PCDH10: variants seen among roughly 807,000 people sequenced by gnomAD.
PCDH10 encodes protocadherin-10.
PCDH10 carries 15 observed loss-of-function variants against 74.4 expected under a neutral mutation model. That is an observed-to-expected ratio of 0.20 (90% CI 0.13 to 0.31). PCDH10 has a LOEUF of 0.31. Ranked by LOEUF, PCDH10 falls within the 10% of genes least tolerant of loss-of-function variation. The pLI, the probability that PCDH10 is intolerant of heterozygous loss-of-function variation, is 1.00. For missense variants in PCDH10, 1,260 were observed against 1,390.2 expected (o/e 0.91, Z 1.49); for synonymous variants, 619 against 589.8 (o/e 1.05, Z -0.72).
At chr4:133,199,923 G>C (rs1157648188) in intron 2 of PCDH10, among the ~76,000 whole-genome samples, 1 of 150,780 alleles carries the variant, frequency 6.6e-6, no homozygotes, top group Non-Finnish European at 1.5e-5. Flanking sequence ...TCAGCCTCCC[G>C]AGCTGCTGGG....
At chr4:133,158,696 T>C (rs1025056732) in intron 3 of PCDH10, among the ~76,000 whole-genome samples, 6 of 152,150 alleles carry the variant, frequency 3.9e-5, no homozygotes, top group African/African-American at 1.4e-4. Flanking sequence ...TGGTTTATTA[T>C]AAACACAAAT....
chr4:133,195,576 G>C (rs1727779566), downstream of PCDH10, among the ~76,000 whole-genome samples: 1 of 151,870 alleles, frequency 6.6e-6, no homozygotes, highest in African/African-American at 2.4e-5. Flanking sequence ...CATATACTGA[G>C]GTCTAACAGT....
intron 4 of PCDH10, among the ~76,000 whole-genome samples, chr4:133,169,405 C>T (rs11937781): frequency 0.5 from 75,539 of 151,496 alleles, 19,110 homozygotes; most frequent in African/African-American, 0.56. Flanking sequence ...TTATTCAATA[C>T]TTTATAGTTC....
downstream of PCDH10, among the ~76,000 whole-genome samples, chr4:133,197,095 TAAAAC>T (rs1367731736): frequency 6.6e-6 from 1 of 152,100 alleles, no homozygotes; most frequent in African/African-American, 2.4e-5. Flanking sequence ...GTACAGGAAA[TAAAAC>T]AAATCTGGCT....
Position 133,163,176 on chromosome 4 carries a change from C to A in PCDH10, c.2997C>A (p.Ser999=). The A allele has an allele frequency of 6.2e-7, 1 of 1,614,106 alleles. No individual in the cohort carries two copies. The highest frequency in any genetic ancestry group is 8.5e-7 in the Non-Finnish European group (1 of 1,180,006). Reference sequence around the variant, plus strand: ...AAGCCCAGCCTGGGGCAGAGCGGTCCTTTTCCACCTTTGGCAAAGAGAAGG... The same window carrying A: ...AAGCCCAGCCTGGGGCAGAGCGGTCATTTTCCACCTTTGGCAAAGAGAAGG... ...TPEAQPGAER[S]FSTFGKEKAL... Residue 999 remains serine, a synonymous_variant, in exon 4 of 5, where the codon TCC becomes TCA. Transcript: ENST00000264360.
chr4:133,160,547 A>G lies in PCDH10; in HGVS notation c.2798-2430A>G, dbSNP rs144914703. ...GGCAGAAGAAAAACATACTTGCCAG[A>G]TAGGAAAATAGGCACATTGGAGTAA... On this transcript the variant is annotated intron_variant, in intron 3 of 4. Transcript: ENST00000264360. 2.2e-3 allele frequency among the ~76,000 whole-genome samples: 340 copies of G among 151,196 alleles called. 2 individuals carry two copies. Among genetic ancestry groups the G allele is most frequent in the African/African-American group, 7.7e-3 (318 of 41,272 alleles).
At chr4:133,158,666 A>G (rs909480086) in intron 3 of PCDH10, among the ~76,000 whole-genome samples, 3 of 152,178 alleles carry the variant, frequency 2.0e-5, no homozygotes, top group African/African-American at 7.2e-5. Context: ...GCATTACTAC[A>G]GTGTCAGCAA....
In PCDH10 at chr4:133,152,237, C is replaced by T. The variant is rs1578557582; in HGVS notation, c.2097C>T (p.His699=). 5 of 1,608,436 alleles carry T rather than the reference C, an allele frequency of 3.1e-6. No homozygotes were observed. The Admixed American group carries it at 6.7e-5, about 22-fold the overall frequency. ...GGSGGGGSGE[H]QRPSRSGGGE... ...GCGGAGGCGGAGGGTCAGGAGAGCA[C>T]CAGCGCCCCAGTCGCTCTGGCGGCG... The change falls in exon 1 of 5, where the codon CAC becomes CAT. Residue 699 remains histidine (H), a synonymous_variant. Coordinates refer to ENST00000264360, the MANE Select transcript of PCDH10 (RefSeq NM_032961.3).
intron 4 of PCDH10, among the ~76,000 whole-genome samples, chr4:133,169,239 T>G (rs919710845): frequency 5.9e-5 from 9 of 151,782 alleles, no homozygotes; most frequent in Non-Finnish European, 3.0e-5. Context: ...TTCCTCTAGT[T>G]TAGTCACTTT....
At chr4:133,165,060 A>G (rs1476964065) in intron 4 of PCDH10, among the ~76,000 whole-genome samples, 3 of 147,904 alleles carry the variant, frequency 2.0e-5, no homozygotes, top group Non-Finnish European at 3.0e-5. Context: ...ATTCATATAT[A>G]TACACATATA....
Position 133,150,008 on chromosome 4 carries a change from CAGA to C in PCDH10, c.-131_-129del. On this transcript the variant is annotated 5_prime_UTR_variant, in exon 1 of 5. Transcript: ENST00000264360. The stretch of plus-strand genomic sequence containing the variant: ...GCAAAAGGAGTAAGATTTTTAAAGA[CAGA>C]AAGCCACAGGAGCCCCCACGTAGCG... 1.6e-6 allele frequency: 2 copies of C among 1,278,218 alleles called. No homozygotes were observed. Among genetic ancestry groups the C allele is most frequent in the East Asian group, 5.1e-5 (2 of 39,584 alleles). 79.2% of individuals were successfully genotyped at this position (1,278,218 alleles called of 1,614,324 possible).
chr4:133,176,704 A>G (rs925184126), intron 4 of PCDH10, among the ~76,000 whole-genome samples: 7 of 152,182 alleles, frequency 4.6e-5, no homozygotes, highest in African/African-American at 1.4e-4. Context: ...CAGATATTAT[A>G]GAACCAAATA....
At chr4:133,173,719 AGT>A (rs1308638521) in intron 4 of PCDH10, among the ~76,000 whole-genome samples, 1 of 134,434 alleles carries the variant, frequency 7.4e-6, no homozygotes, top group African/African-American at 2.8e-5. Context: ...AAAAAGATTT[AGT>A]TTCTTAAAGT....
intron 4 of PCDH10, among the ~76,000 whole-genome samples, chr4:133,186,128 A>G (rs1727537814): frequency 6.6e-6 from 1 of 152,132 alleles, no homozygotes; most frequent in African/African-American, 2.4e-5. Context: ...TCCACAATAT[A>G]AAGAAAAATA....
intron 4 of PCDH10, among the ~76,000 whole-genome samples, chr4:133,169,736 G>T (rs1311272746): frequency 6.6e-6 from 1 of 151,818 alleles, no homozygotes; most frequent in Non-Finnish European, 1.5e-5. Flanking sequence ...AAGTTATAAA[G>T]ATATTGTAAA....
intron 2 of PCDH10, among the ~76,000 whole-genome samples, chr4:133,206,845 T>A (rs946346134): frequency 3.9e-5 from 6 of 152,162 alleles, no homozygotes; most frequent in African/African-American, 1.4e-4. Flanking sequence ...GGAAATTTGA[T>A]CTTACATTAT....
At chr4:133,174,529 T>G (rs2420157) in intron 4 of PCDH10, among the ~76,000 whole-genome samples, 2 of 151,652 alleles carry the variant, frequency 1.3e-5, no homozygotes, top group African/African-American at 2.4e-5. Flanking sequence ...ACATCACTTT[T>G]GTAAATTGTT....
chr4:133,154,324 A>G lies in PCDH10; in HGVS notation c.2649A>G (p.Ala883=), dbSNP rs777495031. 18 of 1,608,192 alleles carry G rather than the reference A, an allele frequency of 1.1e-5. No homozygotes were observed. The South Asian group carries it at 1.9e-4, about 17-fold the overall frequency. Residue 883 remains alanine, a synonymous_variant, in exon 2 of 5, where the codon GCA becomes GCG. Transcript: ENST00000264360. ...ILSNETKHQR[A]ELSYLVDRPR... ...TTTCCTAGACTAAACACCAGCGAGC[A>G]GAGCTCAGCTATCTAGTTGACAGAC...
At chr4:133,170,241 T>C (rs1049768290) in intron 4 of PCDH10, among the ~76,000 whole-genome samples, 9 of 152,134 alleles carry the variant, frequency 5.9e-5, no homozygotes, top group African/African-American at 2.2e-4. Flanking sequence ...TGTATATACA[T>C]TATGTATGGT....
Sources: allele counts gnomAD v4.1 joint callset (sites outside exome capture counted in the v4.1 genomes callset), GRCh38; gene constraint gnomAD v4.1.1; transcripts MANE v1.5; gene names NCBI Gene and HGNC (gene_info 2026-07-23, HGNC 2026-07-21).